DLG2: variants seen among roughly 807,000 people sequenced by gnomAD.
DLG2 encodes the protein discs large MAGUK scaffold protein 2.
DLG2 carries 45 observed loss-of-function variants against 132.5 expected under a neutral mutation model. That is an observed-to-expected ratio of 0.34 (90% CI 0.27 to 0.44). DLG2 has a LOEUF of 0.44. DLG2 is among the 20% of genes least tolerant of loss of function. The pLI, the probability that DLG2 is intolerant of heterozygous loss-of-function variation, is 1.00. For missense variants in DLG2, 1,045 were observed against 1,196.9 expected (o/e 0.87, Z 1.87); for synonymous variants, 424 against 419.6 (o/e 1.01, Z -0.13).
At chr11:84,694,408 T>C (rs577439705) in intron 6 of DLG2, among the ~76,000 whole-genome samples, 144 of 151,796 alleles carry the variant, frequency 9.5e-4, no homozygotes, top group Non-Finnish European at 2.0e-3. Flanking sequence ...GAAAACTACA[T>C]TGTAAACATA....
intron 18 of DLG2, among the ~76,000 whole-genome samples, chr11:83,703,298 C>T (rs1001201521): frequency 6.6e-6 from 1 of 152,170 alleles, no homozygotes; most frequent in South Asian, 2.1e-4. Flanking sequence ...CTTTATTAAC[C>T]TAGGTTCTTG....
intron 11 of DLG2, among the ~76,000 whole-genome samples, chr11:83,986,657 C>T (rs1338779441): frequency 6.6e-6 from 1 of 151,878 alleles, no homozygotes; most frequent in Non-Finnish European, 1.5e-5. Context: ...AATGGTTGAA[C>T]TAGTTTACAC....
At chr11:85,505,962 C>T (rs1026147942) in intron 3 of DLG2, among the ~76,000 whole-genome samples, 3 of 152,078 alleles carry the variant, frequency 2.0e-5, no homozygotes, top group Non-Finnish European at 2.9e-5. Flanking sequence ...GTGTATGTGT[C>T]CAGGAATTTA....
intron 6 of DLG2, among the ~76,000 whole-genome samples, chr11:84,898,679 T>C (rs553037644): frequency 8.3e-4 from 126 of 151,944 alleles, no homozygotes; most frequent in African/African-American, 2.8e-3. Flanking sequence ...CAAGATCCTC[T>C]CTCCCCTCCA....
rs1565615978 is a variant in DLG2 at position 83,520,667 on chromosome 11, A to AT, written c.2193+12040_2193+12041insA. On this transcript the variant is annotated intron_variant, in intron 21 of 27. Coordinates refer to ENST00000376104, the MANE Select transcript of DLG2 (RefSeq NM_001142699.3). ...GATAGATAGATAGATAGATAGATAGAAAGAAAGACAGACAGGTAAGTAGGT... is the reference window on the plus strand; with the variant it reads ...GATAGATAGATAGATAGATAGATAGATAAGAAAGACAGACAGGTAAGTAGGT... Among the ~76,000 whole-genome samples the AT allele has an allele frequency of 5.8e-3, 829 of 142,762 alleles. 10 individuals are homozygous for AT. The highest frequency in any genetic ancestry group is 0.019 in the African/African-American group (760 of 39,166). The allele number at this position is 142,762 out of a possible 152,430, so 93.7% of individuals were successfully genotyped here. A position where few individuals can be genotyped will look rare whatever the true frequency, so the allele number is the denominator to read the frequency against.
At chr11:84,403,172 G>A (rs532649423) in intron 7 of DLG2, among the ~76,000 whole-genome samples, 108 of 152,142 alleles carry the variant, frequency 7.1e-4, no homozygotes, top group African/African-American at 2.6e-3. Context: ...ATTGTTAGTA[G>A]GTTAACATTT....
At position 83,874,415 on chromosome 11, in the gene DLG2, C is replaced by T; in HGVS notation, c.1565+5G>A. The T allele has an allele frequency of 1.3e-6, 2 of 1,590,616 alleles. No homozygotes were observed. Among genetic ancestry groups the T allele is most frequent in the Non-Finnish European group, 1.7e-6 (2 of 1,165,496 alleles). ...AGTTTAAGAGGTTCTGTATTATTAT[C>T]TTACCCTTCCAGGGAGACGGCCCGT... On this transcript the variant is annotated splice_donor_5th_base_variant and intron_variant, in intron 16 of 27. Coordinates refer to ENST00000376104, the MANE Select transcript of DLG2 (RefSeq NM_001142699.3).
chr11:83,726,041 A>AG (rs1239887875), intron 18 of DLG2, among the ~76,000 whole-genome samples: 1 of 152,184 alleles, frequency 6.6e-6, no homozygotes, highest in Non-Finnish European at 1.5e-5. Context: ...GGGAAAAAAA[A>AG]GTCCCTCAAA....
intron 6 of DLG2, among the ~76,000 whole-genome samples, chr11:84,666,288 G>A (rs1050457047): frequency 6.6e-6 from 1 of 152,090 alleles, no homozygotes; most frequent in Non-Finnish European, 1.5e-5. Flanking sequence ...TCTTCTCAAA[G>A]TAAAAGAGAA....
At chr11:84,364,493 A>G (rs1418276778) in intron 7 of DLG2, among the ~76,000 whole-genome samples, 2 of 152,076 alleles carry the variant, frequency 1.3e-5, no homozygotes, top group African/African-American at 4.8e-5. Flanking sequence ...CTAACTGAAT[A>G]CCCTTTATTT....
chr11:84,996,452 T>G (rs2057660946), intron 6 of DLG2, among the ~76,000 whole-genome samples: 1 of 152,170 alleles, frequency 6.6e-6, no homozygotes, highest in African/African-American at 2.4e-5. Context: ...TTCAGATCTG[T>G]GTACTACTTA....
intron 3 of DLG2, among the ~76,000 whole-genome samples, chr11:85,359,971 A>G (rs1596511941): frequency 6.6e-6 from 1 of 152,174 alleles, no homozygotes; most frequent in East Asian, 1.9e-4. Context: ...ACAACATGAG[A>G]AAAATTATCA....
At chr11:85,013,533 A>G (rs1275071543) in intron 6 of DLG2, among the ~76,000 whole-genome samples, 2 of 152,218 alleles carry the variant, frequency 1.3e-5, no homozygotes, top group Non-Finnish European at 2.9e-5. Context: ...AGCATATGAT[A>G]AAAACAGGAG....
At chr11:85,119,912 T>C (rs1265219128) in intron 5 of DLG2, among the ~76,000 whole-genome samples, 5 of 152,114 alleles carry the variant, frequency 3.3e-5, no homozygotes, top group Admixed American at 6.6e-5. Flanking sequence ...AAGGTAACAA[T>C]TACCATATTT....
rs565642757 is a variant in DLG2, at chr11:85,305,578, T to C, written c.41-20213A>G. Among the ~76,000 whole-genome samples the C allele has an allele frequency of 8.8e-4, 134 of 152,236 alleles. 2 individuals are homozygous for C. Among genetic ancestry groups the C allele is most frequent in the African/African-American group, 3.0e-3 (126 of 41,524 alleles). ...CACAGGCTGGAGTGCAGTGGCGCGA[T>C]CTCGGCTCACTGCAAGCTCCGCCTC... On this transcript the variant is annotated intron_variant, in intron 3 of 27. Transcript: ENST00000376104.
At chr11:85,216,342 G>A (rs2082595237) in intron 4 of DLG2, among the ~76,000 whole-genome samples, 1 of 152,052 alleles carries the variant, frequency 6.6e-6, no homozygotes, top group Non-Finnish European at 1.5e-5. Flanking sequence ...ATGGAAATAA[G>A]TAAAGTACCT....
chr11:85,488,637 C>T (rs1912266), intron 3 of DLG2, among the ~76,000 whole-genome samples: 9,952 of 152,114 alleles, frequency 0.065, 434 homozygotes, highest in East Asian at 0.098. Flanking sequence ...ATAAAGGAAA[C>T]CCCTTTAAAT....
chr11:84,196,037 G>C (rs953142633), intron 8 of DLG2, among the ~76,000 whole-genome samples: 1 of 152,140 alleles, frequency 6.6e-6, no homozygotes, highest in African/African-American at 2.4e-5. Flanking sequence ...AAAATTATTT[G>C]TATGTAGATC....
chr11:84,067,473 G>A (rs905723202), intron 10 of DLG2, among the ~76,000 whole-genome samples: 1 of 151,974 alleles, frequency 6.6e-6, no homozygotes, highest in African/African-American at 2.4e-5. Flanking sequence ...TTAAAGGTAG[G>A]TTATGAACAA....
Sources: allele counts gnomAD v4.1 joint callset (sites outside exome capture counted in the v4.1 genomes callset), GRCh38; gene constraint gnomAD v4.1.1; transcripts MANE v1.5; gene names NCBI Gene and HGNC (gene_info 2026-07-23, HGNC 2026-07-21).